Variants in KALRN observed in about 807,000 individuals in gnomAD.
KALRN encodes kalirin.
KALRN carries 70 observed loss-of-function variants against 353.7 expected under a neutral mutation model. The observed-to-expected ratio is 0.20, with a 90% CI of 0.16 to 0.24. The LOEUF (loss-of-function observed/expected upper bound fraction) is 0.24. Ranked by LOEUF, KALRN falls within the 10% of genes least tolerant of loss-of-function variation. The pLI, the probability that KALRN is intolerant of heterozygous loss-of-function variation, is 1.00. For synonymous variants in KALRN, 1,391 were observed against 1,434.8 expected (o/e 0.97, Z 0.69); for missense variants, 2,791 against 3,756.7 (o/e 0.74, Z 6.72).
intron 18 of KALRN, among the ~76,000 whole-genome samples, 173 bp downstream of exon 18, chr3:124,439,210 ACACACACACACACACACACACACACACG>A (rs2093593817): frequency 6.7e-6 from 1 of 149,804 alleles, no homozygotes; most frequent in Non-Finnish European, 1.5e-5. Context: ...TCACACACAC[ACACACACACACACACACACACACACACG>A]CAGCTTCAAA....
At chr3:124,649,466 G>A (rs935834769) in intron 37 of KALRN, among the ~76,000 whole-genome samples, 1 of 152,058 alleles carries the variant, frequency 6.6e-6, no homozygotes, top group African/African-American at 2.4e-5. Flanking sequence ...GCTGGTTTAG[G>A]CAGGCATCTT....
At chr3:124,348,129 C>A (rs1157737648) in intron 10 of KALRN, among the ~76,000 whole-genome samples, 1 of 152,150 alleles carries the variant, frequency 6.6e-6, no homozygotes, top group Non-Finnish European at 1.5e-5. Context: ...GATTAGCTGC[C>A]ATGTAAAACA....
chr3:124,453,033 A>G (rs1388183796), intron 21 of KALRN, among the ~76,000 whole-genome samples: 1 of 152,208 alleles, frequency 6.6e-6, no homozygotes, highest in Non-Finnish European at 1.5e-5. Flanking sequence ...AAATAAAAAT[A>G]AAAAACACCC....
chr3:124,340,927 G>C (rs1390930247), intron 9 of KALRN, among the ~76,000 whole-genome samples: 1 of 152,214 alleles, frequency 6.6e-6, no homozygotes, highest in Non-Finnish European at 1.5e-5. Context: ...CTGCACTCCA[G>C]CTTGGGCAAC....
intron 1 of KALRN, among the ~76,000 whole-genome samples, chr3:124,186,617 T>C (rs1047797664): frequency 6.6e-6 from 1 of 152,214 alleles, no homozygotes; most frequent in Admixed American, 6.5e-5. Flanking sequence ...AGTTATTTAC[T>C]GGATGAAATA....
At chr3:124,366,699 C>G (rs970742440) in intron 10 of KALRN, among the ~76,000 whole-genome samples, 1 of 152,138 alleles carries the variant, frequency 6.6e-6, no homozygotes, top group Non-Finnish European at 1.5e-5. Context: ...CATCCTGGCC[C>G]GTTCTCAATG....
intron 8 of KALRN, among the ~76,000 whole-genome samples, chr3:124,331,570 A>G (rs1276797540): frequency 2.0e-5 from 3 of 152,242 alleles, no homozygotes; most frequent in Admixed American, 1.3e-4. Flanking sequence ...TAGAAGGTAC[A>G]ACGAAGGACT....
intron 6 of KALRN, among the ~76,000 whole-genome samples, chr3:124,302,067 C>T (rs891921680): frequency 2.6e-5 from 4 of 152,122 alleles, no homozygotes; most frequent in Non-Finnish European, 2.9e-5. Flanking sequence ...AGACAGTTTC[C>T]GGAGATTCAG....
At chr3:124,306,517 G>GTC (rs1245571320) in intron 6 of KALRN, among the ~76,000 whole-genome samples, 46 of 152,200 alleles carry the variant, frequency 3.0e-4, no homozygotes, top group Non-Finnish European at 1.5e-4. Flanking sequence ...TGCACCAACT[G>GTC]CTATGCATAA....
chr3:124,488,483 A>C, intron 29 of KALRN, 168 bp downstream of exon 29: 1 of 595,296 alleles, frequency 1.7e-6, no homozygotes, highest in Non-Finnish European at 3.0e-6. Flanking sequence ...CTCCACAAGG[A>C]CCAATTTGGC....
At chr3:124,600,640 T>TAC (rs1491419743) in intron 34 of KALRN, among the ~76,000 whole-genome samples, 1 of 122,096 alleles carries the variant, frequency 8.2e-6, no homozygotes, top group African/African-American at 4.0e-5. Context: ...CCATGAAATT[T>TAC]ATATATATAT....
intron 10 of KALRN, among the ~76,000 whole-genome samples, chr3:124,378,584 T>A (rs1303192700): frequency 6.6e-6 from 1 of 152,162 alleles, no homozygotes; most frequent in Non-Finnish European, 1.5e-5. Flanking sequence ...CTTGCAAATC[T>A]GCTAGTGAAG....
intron 33 of KALRN, among the ~76,000 whole-genome samples, chr3:124,510,109 A>G (rs1303995791): frequency 6.6e-6 from 1 of 152,206 alleles, no homozygotes; most frequent in African/African-American, 2.4e-5. Flanking sequence ...ACTACACCAG[A>G]ACAAACAAGC....
intron 1 of KALRN, chr3:124,082,205 G>C: frequency 2.1e-6 from 1 of 468,400 alleles, no homozygotes; most frequent in Non-Finnish European, 4.4e-6. Flanking sequence ...AGGTAGCCAG[G>C]CTTAGATTCT....
chr3:124,417,039 A>G (rs2092544168), intron 14 of KALRN, among the ~76,000 whole-genome samples: 1 of 152,228 alleles, frequency 6.6e-6, no homozygotes, highest in Non-Finnish European at 1.5e-5. Flanking sequence ...TAACCAAAGT[A>G]AAAGCCTTTG....
intron 1 of KALRN, among the ~76,000 whole-genome samples, chr3:124,161,005 G>A (rs764956743): frequency 1.1e-4 from 16 of 152,152 alleles, no homozygotes; most frequent in Non-Finnish European, 2.2e-4. Context: ...AGTAATGAAG[G>A]TTTCAGTTTG....
At chr3:124,645,097 A>G (rs1342346291) in intron 37 of KALRN, among the ~76,000 whole-genome samples, 1 of 152,000 alleles carries the variant, frequency 6.6e-6, no homozygotes, top group South Asian at 2.1e-4. Flanking sequence ...GCTTTTTTTC[A>G]TGTGTCTGTT....
At chr3:124,635,372 A>G (rs919603855) in intron 36 of KALRN, among the ~76,000 whole-genome samples, 1 of 152,152 alleles carries the variant, frequency 6.6e-6, no homozygotes, top group Non-Finnish European at 1.5e-5. Flanking sequence ...ATTCCCTCAA[A>G]CACAGCTTGT....
intron 56 of KALRN, among the ~76,000 whole-genome samples, chr3:124,701,753 C>T (rs2062351739): frequency 6.6e-6 from 1 of 152,054 alleles, no homozygotes; most frequent in South Asian, 2.1e-4. Context: ...AATTTTTCTC[C>T]TAAATTTATC....
Sources: allele counts gnomAD v4.1 joint callset (sites outside exome capture counted in the v4.1 genomes callset), GRCh38; gene constraint gnomAD v4.1.1; transcripts MANE v1.5; gene names NCBI Gene and HGNC (gene_info 2026-07-23, HGNC 2026-07-21).